The following ZNF875 variants were observed in gnomAD, a reference collection of about 807,000 sequenced individuals.
ZNF875 encodes the protein HKR1, GLI-Kruppel zinc finger family member.
In ZNF875, 14 loss-of-function variants were observed where a neutral mutation model predicts 11.2. The ratio of observed to expected loss-of-function variants is 1.26; its 90% confidence interval spans 0.83 to 1.96. The LOEUF is 1.96. Ranked by LOEUF, ZNF875 falls within the 30% of genes most tolerant of loss-of-function variation. ZNF875 has a pLI of 0.00. For missense variants in ZNF875, 752 were observed against 760.4 expected (o/e 0.99, Z 0.13); for synonymous variants, 301 against 281.1 (o/e 1.07, Z -0.71).
chr19:37,327,470 G>A (rs1306035401), intron 4 of ZNF875, among the ~76,000 whole-genome samples: 2 of 151,326 alleles, frequency 1.3e-5, no homozygotes, highest in African/African-American at 2.4e-5. Context: ...AAACTAATAC[G>A]GAATTTCATA....
At chr19:37,319,551 T>G (rs115742956) in intron 1 of ZNF875, among the ~76,000 whole-genome samples, 1 of 151,898 alleles carries the variant, frequency 6.6e-6, no homozygotes, top group African/African-American at 2.4e-5. Context: ...ATAGGCCTTA[T>G]TCTTGATTCT....
chr19:37,341,232 C>T (rs1164025589), intron 2 of ZNF875, among the ~76,000 whole-genome samples: 3 of 152,208 alleles, frequency 2.0e-5, no homozygotes, highest in Admixed American at 1.3e-4. Flanking sequence ...GTATAATGAA[C>T]AATCCTAAAC....
chr19:37,347,141 G>C (rs758788780), intron 2 of ZNF875, 49 bp from the exon 3 acceptor site: 1 of 1,612,528 alleles, frequency 6.2e-7, no homozygotes, highest in Admixed American at 1.7e-5. Flanking sequence ...TAAAGTGTGG[G>C]AGGGAAAGAC....
Position 37,347,811 on chromosome 19 carries a change from G to C in ZNF875, c.195G>C (p.Gln65His), listed in dbSNP as rs139266128. The stretch of plus-strand genomic sequence containing the variant: ...CTTCTAAACCAAAACTCATTGCTCA[G>C]CTGGAGCGAGGGGAAGCGCCCTGGA... The part of the protein sequence containing the change: ...IPSSKPKLIA[Q>H]LERGEAPWRE... The change falls in exon 4 of 5, where the codon CAG becomes CAC. Residue 65 changes from glutamine to histidine, a missense_variant. By Grantham distance (24) the Gln-to-His change is conservative. Coordinates refer to ENST00000392153, the MANE Select transcript of ZNF875 (RefSeq NM_001353803.2). 7.7e-5 allele frequency: 125 copies of C among 1,613,622 alleles called. 1 individual carries two copies. In the African/African-American group the frequency reaches 1.1e-3, roughly 14 times the overall value.
intron 2 of ZNF875, among the ~76,000 whole-genome samples, chr19:37,344,325 G>A (rs910772605): frequency 6.6e-5 from 10 of 152,054 alleles, no homozygotes; most frequent in Non-Finnish European, 1.5e-5. Context: ...GGCTCCCCCC[G>A]CAATTTCTGA....
intron 4 of ZNF875, among the ~76,000 whole-genome samples, chr19:37,327,046 A>C (rs1049279133): frequency 1.7e-4 from 26 of 151,480 alleles, no homozygotes; most frequent in Non-Finnish European, 2.5e-4. Context: ...AGGCTGGAGT[A>C]CAATGGCAGG....
Position 37,363,948 on chromosome 19 carries a change from A to G in ZNF875, c.*173A>G, listed in dbSNP as rs2040412569. 2 of 597,590 alleles carry G rather than the reference A, an allele frequency of 3.3e-6. No homozygotes were observed. The highest frequency in any genetic ancestry group is 5.8e-5 in the East Asian group (2 of 34,658). 37.0% of individuals were successfully genotyped at this position (597,590 alleles called of 1,614,324 possible). On this transcript the variant is annotated 3_prime_UTR_variant, in exon 5 of 5. Coordinates refer to ENST00000392153, the MANE Select transcript of ZNF875 (RefSeq NM_001353803.2). ...CTGTACTGGTAAGACTTGTATCTCC[A>G]TCCACCTGAAGGAGAATTGCTGGCT...
Position 37,363,838 on chromosome 19 carries a change from C to T in ZNF875, c.*63C>T. On this transcript the variant is annotated 3_prime_UTR_variant, in exon 5 of 5. Transcript: ENST00000392153. ...GCCAGGAGTCATACTTCATCAGACA[C>T]CAGAGGACACACACAGTGCTGTGGC... 1 of 1,371,390 alleles carries T rather than the reference C, an allele frequency of 7.3e-7. No individual in the cohort carries two copies. Among genetic ancestry groups the T allele is most frequent in the Non-Finnish European group, 1.0e-6 (1 of 972,300 alleles). 85.0% of individuals were successfully genotyped at this position (1,371,390 alleles called of 1,614,324 possible). A position where few individuals can be genotyped will look rare whatever the true frequency, so the allele number is the denominator to read the frequency against.
intron 2 of ZNF875, among the ~76,000 whole-genome samples, chr19:37,345,766 T>C (rs181508449): frequency 6.6e-6 from 1 of 152,276 alleles, no homozygotes; most frequent in East Asian, 1.9e-4. Flanking sequence ...ATGGGTCAAA[T>C]TAAACCCCTC....
intron 2 of ZNF875, among the ~76,000 whole-genome samples, chr19:37,341,633 C>T (rs1040341260): frequency 3.3e-5 from 5 of 152,142 alleles, no homozygotes; most frequent in South Asian, 2.1e-4. Flanking sequence ...GGAGTAGATA[C>T]AGGGAGACAT....
chr19:37,340,839 G>A (rs1033715893), intron 2 of ZNF875, among the ~76,000 whole-genome samples: 7 of 151,722 alleles, frequency 4.6e-5, no homozygotes, highest in African/African-American at 7.3e-5. Flanking sequence ...TAGTAGAGAC[G>A]GGGTGTCACC....
chr19:37,327,469 C>T (rs532723094), intron 4 of ZNF875, among the ~76,000 whole-genome samples: 2 of 151,666 alleles, frequency 1.3e-5, no homozygotes, highest in Non-Finnish European at 2.9e-5. Context: ...TAAACTAATA[C>T]GGAATTTCAT....
At chr19:37,345,686 C>T (rs1158675292) in intron 2 of ZNF875, among the ~76,000 whole-genome samples, 8 of 152,120 alleles carry the variant, frequency 5.3e-5, no homozygotes, top group African/African-American at 9.7e-5. Context: ...TAACATAACC[C>T]ATAGATTGAG....
At chr19:37,318,904 G>A (rs1423296541) in intron 1 of ZNF875, among the ~76,000 whole-genome samples, 1 of 152,042 alleles carries the variant, frequency 6.6e-6, no homozygotes, top group Non-Finnish European at 1.5e-5. Flanking sequence ...GTAAGTTCCT[G>A]GTTTTGATAT....
intron 4 of ZNF875, among the ~76,000 whole-genome samples, chr19:37,353,791 T>C (rs1360605793): frequency 6.6e-6 from 1 of 152,230 alleles, no homozygotes; most frequent in Non-Finnish European, 1.5e-5. Flanking sequence ...CTTCTCTGGC[T>C]GTCTTCAAGA....
chr19:37,363,329 C>T lies in ZNF875; in HGVS notation c.1477C>T (p.Leu493=). 1 of 1,610,950 alleles carries T rather than the reference C, an allele frequency of 6.2e-7. No homozygotes were observed. Among genetic ancestry groups the T allele is most frequent in the Non-Finnish European group, 8.5e-7 (1 of 1,177,816 alleles). The change falls in exon 5 of 5, where the codon CTG becomes TTG. Residue 493 remains leucine, a synonymous_variant. Coordinates refer to ENST00000392153, the MANE Select transcript of ZNF875 (RefSeq NM_001353803.2). ...GCGAGGCTTTACCCGGAAATCAACC[C>T]TGAGCACGCACCAGAGGACACACTC... ...CGRGFTRKST[L]STHQRTHSGE...
At chr19:37,326,914 C>T (rs368294585) in intron 4 of ZNF875, among the ~76,000 whole-genome samples, 5 of 151,906 alleles carry the variant, frequency 3.3e-5, no homozygotes, top group South Asian at 4.2e-4. Flanking sequence ...GTGATCTGCC[C>T]GCCTCAGCCT....
At chr19:37,335,811 G>A (rs191298165) in intron 2 of ZNF875, among the ~76,000 whole-genome samples, 1 of 152,264 alleles carries the variant, frequency 6.6e-6, no homozygotes, top group Admixed American at 6.5e-5. Context: ...ACAGTTTACC[G>A]TTTAATCATA....
At chr19:37,332,772 C>G (rs1209179727), upstream of ZNF875, among the ~76,000 whole-genome samples, 4 of 151,976 alleles carry the variant, frequency 2.6e-5, no homozygotes, top group Non-Finnish European at 5.9e-5. Flanking sequence ...TAGACATGTT[C>G]CCTTGATGGG....
Sources: allele counts gnomAD v4.1 joint callset (sites outside exome capture counted in the v4.1 genomes callset), GRCh38; gene constraint gnomAD v4.1.1; transcripts MANE v1.5; gene names NCBI Gene and HGNC (gene_info 2026-07-23, HGNC 2026-07-21).